Variants in SEC16A observed in about 807,000 individuals in gnomAD.
SEC16A encodes SEC16 homolog A, endoplasmic reticulum export factor.
A neutral mutation model predicts 221.9 loss-of-function variants in SEC16A; 110 were observed. The observed-to-expected ratio is 0.50, with a 90% confidence interval of 0.42 to 0.58. The LOEUF is 0.58. Among genes scored for constraint, SEC16A ranks in the 20% least tolerant of loss-of-function variants. The probability of loss-of-function intolerance (pLI) is 0.00; values close to 1 mark genes in which losing one functional copy is unlikely to be tolerated. For missense variants in SEC16A, 3,165 were observed against 3,097.8 expected, an observed-to-expected ratio of 1.02 and a Z score of -0.52; for synonymous variants, 1,393 against 1,257.7, an observed-to-expected ratio of 1.11 and a Z score of -2.28.
chr9:136,472,057 C>G lies in SEC16A; in HGVS notation c.3622G>C (p.Ala1208Pro). The change falls in exon 4 of 32, where the codon GCT becomes CCT. Residue 1208 changes from alanine (A) to proline (P), a missense_variant. Ala to Pro is a conservative substitution (Grantham distance 27). Around this residue, in one of 3 missense-constraint regions of SEC16A, gnomAD observed 2,030 missense variants for 1,923.1 expected, o/e 1.06. Coordinates refer to ENST00000684901, the MANE Select transcript of SEC16A (RefSeq NM_014866.2). ...GGATAGCGGTAGTTCTGGGCGTAAG[C>G]AGACGCAGCACCATCATAGGGCCTG... ...RYRPYDGAAS[A>P]YAQNYRYPEP... 1 of 1,613,506 alleles carries G rather than the reference C, an allele frequency of 6.2e-7. No homozygotes were observed.
At position 136,482,512 on chromosome 9, in the gene SEC16A, TACAA is replaced by T. The variant is rs370131207; in HGVS notation, c.-192+422_-192+425del. ...CATCCTGATCGCCCAATCAAGAAATTACAAACAAACAACTCTGCTCTTTGGTTCA... is the reference window on the plus strand; with the variant it reads ...CATCCTGATCGCCCAATCAAGAAATTACAAACAACTCTGCTCTTTGGTTCA... On this transcript the variant is annotated intron_variant, in intron 1 of 31. Coordinates refer to ENST00000684901, the MANE Select transcript of SEC16A (RefSeq NM_014866.2). Among the ~76,000 whole-genome samples the T allele has an allele frequency of 9.9e-5, 15 of 152,278 alleles. No homozygotes were observed. The South Asian group carries it at 2.1e-3, about 21-fold the overall frequency.
In SEC16A at chr9:136,474,035, G is replaced by T. The variant is rs755749762; in HGVS notation, c.3567+14C>A. ...AGACAGAAAAGTGGGTTACACATAC[G>T]ACTCGACTCTTACCTGGTAATAGAG... On this transcript the variant is annotated intron_variant, in intron 3 of 31. Transcript: ENST00000684901. 4.4e-6 allele frequency: 7 copies of T among 1,583,812 alleles called. No homozygotes were observed. The South Asian group carries it at 8.0e-5, about 18-fold the overall frequency.
chr9:136,480,246 G>A (rs893318047), intron 1 of SEC16A, among the ~76,000 whole-genome samples: 1 of 152,126 alleles, frequency 6.6e-6, no homozygotes, highest in African/African-American at 2.4e-5. Flanking sequence ...CTGCAACCAC[G>A]GCCAGAACAC....
chr9:136,448,904 T>C (rs1312466444), intron 23 of SEC16A: 2 of 687,660 alleles, frequency 2.9e-6, no homozygotes, highest in African/African-American at 3.5e-5. Context: ...ACAGAGTTTC[T>C]GTTTGGGAAG....
At chr9:136,483,387 G>T (rs1842666324), upstream of SEC16A, 25 of 430,072 alleles carry the variant, frequency 5.8e-5, no homozygotes, top group Middle Eastern at 1.3e-3. Context: ...CGCCCCCTTA[G>T]CCCCGCCCGT....
chr9:136,447,252 A>G lies in SEC16A; in HGVS notation c.6672T>C (p.Pro2224=), dbSNP rs1329745125. 24 of 1,596,696 alleles carry G rather than the reference A, an allele frequency of 1.5e-5. No homozygotes were observed. The highest frequency in any genetic ancestry group is 1.8e-5 in the Non-Finnish European group (21 of 1,172,374). The change falls in exon 27 of 32, where the codon CCT becomes CCC. Residue 2224 remains proline, a synonymous_variant. Coordinates refer to ENST00000684901, the MANE Select transcript of SEC16A (RefSeq NM_014866.2). The surrounding 1 kb of genome is among the most constrained non-coding windows in gnomAD (Gnocchi z 5.5). The part of the protein sequence containing the change: ...FVAPLAPLPI[P]SNLFVPTPDA... The stretch of plus-strand genomic sequence containing the variant: ...CTGGGGTTGGCACGAACAAGTTAGA[A>G]GGAATTGGGAGTGGCGCGAGTGGAG...
rs1435159817 is a variant in SEC16A at position 136,476,724 on chromosome 9, G to A, written c.892C>T (p.Pro298Ser). ...GGATTTTGCCTGAATGTACTTTCAGGATCAGAGTTATTGGCCAGGTGGCTT... is the reference window on the plus strand; with the variant it reads ...GGATTTTGCCTGAATGTACTTTCAGAATCAGAGTTATTGGCCAGGTGGCTT... Reference protein sequence around the residue: ...SGSHLANNSDPESTFRQNPRI... With the variant: ...SGSHLANNSDSESTFRQNPRI... The change falls in exon 3 of 32, where the codon CCT becomes TCT. Residue 298 changes from proline to serine, a missense_variant. This residue lies in a region of SEC16A where 2,030 missense variants were observed against 1,923.1 expected (regional missense o/e 1.06). Coordinates refer to ENST00000684901, the MANE Select transcript of SEC16A (RefSeq NM_014866.2). 6.2e-7 allele frequency: 1 copy of A among 1,600,482 alleles called. No individual in the cohort carries two copies. Among genetic ancestry groups the A allele is most frequent in the Non-Finnish European group, 8.5e-7 (1 of 1,171,840 alleles).
chr9:136,471,092 C>A (rs896850264), intron 4 of SEC16A, among the ~76,000 whole-genome samples: 1 of 151,936 alleles, frequency 6.6e-6, no homozygotes, highest in Non-Finnish European at 1.5e-5. Context: ...GCCACAGTGC[C>A]ACAGGTCTTT....
intron 18 of SEC16A, among the ~76,000 whole-genome samples, chr9:136,457,216 G>A (rs1838799549): frequency 6.6e-6 from 1 of 152,258 alleles, no homozygotes; most frequent in African/African-American, 2.4e-5. Context: ...TTCTGATTGT[G>A]AAACTCGCTG....
upstream of SEC16A, chr9:136,483,580 A>C (rs1235374363): frequency 1.0e-6 from 1 of 985,132 alleles, no homozygotes; most frequent in East Asian, 1.1e-4. Context: ...CGCCCTGTTT[A>C]CGCTGGCTCT....
At position 136,474,967 on chromosome 9, in the gene SEC16A, A is replaced by G. The variant is rs1841424467; in HGVS notation, c.2649T>C (p.Thr883=). The G allele has an allele frequency of 1.9e-6, 3 of 1,600,896 alleles. No homozygotes were observed. Among genetic ancestry groups the G allele is most frequent in the African/African-American group, 1.4e-5 (1 of 72,714 alleles). The change falls in exon 3 of 32, where the codon ACT becomes ACC. Residue 883 remains threonine, a synonymous_variant. Coordinates refer to ENST00000684901, the MANE Select transcript of SEC16A (RefSeq NM_014866.2). ...AGCTGGTTGGAATCCCAGACAAAGA[A>G]GTGTTCTCCCCAGAATCACCACCGA... ...WALGGDSGEN[T]SLSGIPTSSV...
At chr9:136,477,941 TC>T in intron 2 of SEC16A, among the ~76,000 whole-genome samples, 1 of 152,146 alleles carries the variant, frequency 6.6e-6, no homozygotes, top group East Asian at 1.9e-4. Flanking sequence ...GGCCACTCCC[TC>T]CCCTGGGATC....
At position 136,441,763 on chromosome 9, in the gene SEC16A, G is replaced by A; in HGVS notation, c.7066C>T (p.Leu2356=). Residue 2356 remains leucine, a synonymous_variant, in exon 32 of 32, where the codon CTG becomes TTG. Coordinates refer to ENST00000684901, the MANE Select transcript of SEC16A (RefSeq NM_014866.2). ...TTCACAGCAGGGCAAGCCTAGTTCA[G>A]CACCAGGTGCTTCCTCTGGCCAATC... ...GRIGQRKHLV[L]N 1 of 1,613,356 alleles carries A rather than the reference G, an allele frequency of 6.2e-7. No individual in the cohort carries two copies. Among genetic ancestry groups the A allele is most frequent in the Non-Finnish European group, 8.5e-7 (1 of 1,179,790 alleles).
intron 2 of SEC16A, among the ~76,000 whole-genome samples, chr9:136,477,907 C>T (rs559887167): frequency 1.3e-5 from 2 of 152,218 alleles, no homozygotes; most frequent in African/African-American, 4.8e-5. Context: ...GGCCTGGCTG[C>T]GAGCTGATGG....
chr9:136,448,059 C>A lies in SEC16A; in HGVS notation c.6390+25G>T, dbSNP rs753619771. ...AAAATCATTACAATTCTTCGGACGTCCCGTGCGTATTTGACAGCACTCACC... is the reference window on the plus strand; with the variant it reads ...AAAATCATTACAATTCTTCGGACGTACCGTGCGTATTTGACAGCACTCACC... On this transcript the variant is annotated intron_variant, in intron 24 of 31. Transcript: ENST00000684901. The A allele has an allele frequency of 8.8e-6, 14 of 1,597,456 alleles. No homozygotes were observed. The African/African-American group carries it at 1.5e-4, about 17-fold the overall frequency.
At chr9:136,462,769 A>G in intron 12 of SEC16A, 118 bp downstream of exon 12, 4 of 1,155,426 alleles carry the variant, frequency 3.5e-6, no homozygotes, top group East Asian at 2.6e-5. Flanking sequence ...GAAGCCCCAC[A>G]CTGCAGCGCG....
At position 136,475,757 on chromosome 9, in the gene SEC16A, C is replaced by T. The variant is rs1311778031; in HGVS notation, c.1859G>A (p.Gly620Glu). ...GCGATCTGCCTCAAATGGTTTTACC[C>T]CAACTAAGTGAGATTTTACCGGTTC... ...SFEPVKSHLVGVKPFEADRAN... is the reference protein window; with the variant it reads ...SFEPVKSHLVEVKPFEADRAN... Residue 620 changes from glycine (G) to glutamate (E), a missense_variant, in exon 3 of 32, where the codon GGG (glycine) becomes GAG (glutamate). This residue lies in a region of SEC16A where 2,030 missense variants were observed against 1,923.1 expected (regional missense o/e 1.06). Coordinates refer to ENST00000684901, the MANE Select transcript of SEC16A (RefSeq NM_014866.2). This position sits in a 1 kb window ranked among gnomAD's most constrained non-coding sequence, Gnocchi z 5.0. 1 of 1,604,842 alleles carries T rather than the reference C, an allele frequency of 6.2e-7. No homozygotes were observed. The highest frequency in any genetic ancestry group is 1.7e-5 in the Admixed American group (1 of 58,194).
intron 29 of SEC16A, 121 bp from the exon 30 acceptor site, chr9:136,445,232 C>T (rs974369961): frequency 1.2e-6 from 1 of 840,756 alleles, no homozygotes; most frequent in Non-Finnish European, 1.9e-6. Flanking sequence ...CAACATAACT[C>T]AAAAGGGAAA....
upstream of SEC16A, chr9:136,483,726 A>G: frequency 5.1e-6 from 5 of 985,098 alleles, no homozygotes; most frequent in Non-Finnish European, 6.0e-6. Flanking sequence ...CCCAGCTGAG[A>G]AGCGCGGGGC....
Sources: allele counts gnomAD v4.1 joint callset (sites outside exome capture counted in the v4.1 genomes callset), GRCh38; gene constraint gnomAD v4.1.1; regional missense constraint gnomAD v4.1.1; non-coding constraint Gnocchi (gnomAD v3.1); transcripts MANE v1.5; gene names NCBI Gene and HGNC (gene_info 2026-07-23, HGNC 2026-07-21).